ERG: variants seen among roughly 807,000 people sequenced by gnomAD.
ERG encodes transcriptional regulator ERG.
Under a neutral mutation model 55.3 loss-of-function variants are expected in ERG, and 9 were observed. The observed-to-expected ratio is 0.16, with a 90% CI of 0.10 to 0.28. The LOEUF (loss-of-function observed/expected upper bound fraction) is 0.28, where lower values mean the gene tolerates loss of function less well. Among genes scored for constraint, ERG ranks in the 10% least tolerant of loss-of-function variants. ERG has a pLI of 1.00. For missense variants in ERG, 434 were observed against 631.6 expected, an observed-to-expected ratio of 0.69 and a Z score of 3.35; for synonymous variants, 223 against 237.3, an observed-to-expected ratio of 0.94 and a Z score of 0.55.
At chr21:38,625,292 C>T (rs1313922902) in intron 1 of ERG, among the ~76,000 whole-genome samples, 1 of 152,112 alleles carries the variant, frequency 6.6e-6, no homozygotes, top group Non-Finnish European at 1.5e-5. Flanking sequence ...TATAAATTCA[C>T]CTCTTAGAGG....
chr21:38,600,940 C>T (rs561467812), intron 1 of ERG, among the ~76,000 whole-genome samples: 115 of 152,302 alleles, frequency 7.6e-4, no homozygotes, highest in African/African-American at 2.7e-3. Context: ...CTAACCCCCC[C>T]TGGAAATCTC....
intron 2 of ERG, among the ~76,000 whole-genome samples, chr21:38,574,369 AC>A (rs2146862367): frequency 6.6e-6 from 1 of 152,262 alleles, no homozygotes; most frequent in South Asian, 2.1e-4. Context: ...AAAACATCAC[AC>A]AGAAATCAAA....
chr21:38,575,687 A>T (rs1314707709), exon 2 of ERG: 1 of 1,614,074 alleles, frequency 6.2e-7, no homozygotes, highest in Admixed American at 1.7e-5. Context: ...TGGGTCCGGG[A>T]CAGTCTGAAT....
intron 2 of ERG, among the ~76,000 whole-genome samples, chr21:38,515,050 C>G (rs531756607): frequency 6.6e-6 from 1 of 151,920 alleles, no homozygotes; most frequent in Non-Finnish European, 1.5e-5. Context: ...AGAACCTCTA[C>G]ACCAAAAACT....
chr21:38,536,813 T>G (rs915392489), intron 2 of ERG, among the ~76,000 whole-genome samples: 2 of 152,244 alleles, frequency 1.3e-5, no homozygotes, highest in Admixed American at 1.3e-4. Context: ...TTTTTGCAAG[T>G]TAAGTCTTCG....
chr21:38,465,914 C>T (rs1406941643), intron 1 of ERG, among the ~76,000 whole-genome samples: 5 of 152,054 alleles, frequency 3.3e-5, no homozygotes, highest in African/African-American at 1.2e-4. Context: ...CCTCCCTGAC[C>T]GCCTTGTGCC....
At chr21:38,450,912 C>T (rs1413558499) in intron 1 of ERG, 1 of 456,114 alleles carries the variant, frequency 2.2e-6, no homozygotes, top group South Asian at 1.6e-5. Context: ...GATTCTTGCC[C>T]ACCCATCAGA....
intron 2 of ERG, among the ~76,000 whole-genome samples, chr21:38,544,089 T>C (rs190855786): frequency 2.0e-5 from 3 of 152,082 alleles, no homozygotes; most frequent in Admixed American, 1.3e-4. Context: ...ACTGTGAAGG[T>C]GATGAAGACC....
intron 2 of ERG, among the ~76,000 whole-genome samples, chr21:38,432,905 A>G (rs1462539481): frequency 6.6e-6 from 1 of 152,216 alleles, no homozygotes; most frequent in Non-Finnish European, 1.5e-5. Flanking sequence ...GGATCCTCAG[A>G]AAACTTAATT....
intron 2 of ERG, among the ~76,000 whole-genome samples, chr21:38,537,183 C>T (rs1480418582): frequency 1.3e-5 from 2 of 152,048 alleles, no homozygotes; most frequent in Admixed American, 6.6e-5. Context: ...AAAATAAAAG[C>T]TAAAACTCTA....
downstream of ERG, among the ~76,000 whole-genome samples, chr21:38,379,109 G>A (rs1165632196): frequency 6.6e-6 from 1 of 152,216 alleles, no homozygotes; most frequent in African/African-American, 2.4e-5. Context: ...GGGAGGACTG[G>A]ATGGAGGTCC....
intron 1 of ERG, among the ~76,000 whole-genome samples, chr21:38,455,123 T>TTCTTTC (rs775540337): frequency 1.1e-3 from 159 of 144,088 alleles, no homozygotes; most frequent in Admixed American, 4.4e-3. Flanking sequence ...TCTTTCTTTT[T>TTCTTTC]TTTTTTTTTT....
intron 1 of ERG, among the ~76,000 whole-genome samples, chr21:38,473,038 G>C (rs986818801): frequency 6.6e-6 from 1 of 152,066 alleles, no homozygotes; most frequent in Non-Finnish European, 1.5e-5. Context: ...CAGAACTTCC[G>C]GGACCTGCAA....
intron 1 of ERG, among the ~76,000 whole-genome samples, chr21:38,590,788 A>G (rs1008873004): frequency 2.6e-5 from 4 of 152,236 alleles, no homozygotes; most frequent in African/African-American, 9.6e-5. Context: ...GGCTTTGCCA[A>G]TGAGTTCAGA....
At chr21:38,593,192 G>A (rs930635955) in intron 1 of ERG, among the ~76,000 whole-genome samples, 1 of 152,132 alleles carries the variant, frequency 6.6e-6, no homozygotes, top group Non-Finnish European at 1.5e-5. Flanking sequence ...TGGGAACCAG[G>A]GTCTGCCTGG....
intron 2 of ERG, among the ~76,000 whole-genome samples, chr21:38,512,985 G>T (rs1182791532): frequency 6.6e-6 from 1 of 151,980 alleles, no homozygotes; most frequent in Non-Finnish European, 1.5e-5. Context: ...ACAAAAATTA[G>T]CTGGGCATGG....
At chr21:38,448,398 A>C (rs1029348181) in intron 1 of ERG, among the ~76,000 whole-genome samples, 2 of 152,178 alleles carry the variant, frequency 1.3e-5, no homozygotes, top group African/African-American at 4.8e-5. Flanking sequence ...AGAAGGGAAA[A>C]ATTCTGAAAA....
intron 1 of ERG, among the ~76,000 whole-genome samples, chr21:38,639,720 T>TA (rs1482312699): frequency 1.4e-4 from 21 of 152,176 alleles, no homozygotes; most frequent in Non-Finnish European, 2.9e-5. Flanking sequence ...AGCTTCTTGA[T>TA]AACAACAATA....
At chr21:38,540,899 C>T (rs2059747153) in intron 2 of ERG, among the ~76,000 whole-genome samples, 1 of 152,126 alleles carries the variant, frequency 6.6e-6, no homozygotes, top group African/African-American at 2.4e-5. Context: ...AGAGGAGGAC[C>T]AGCACAACCC....
Sources: allele counts gnomAD v4.1 joint callset (sites outside exome capture counted in the v4.1 genomes callset), GRCh38; gene constraint gnomAD v4.1.1; transcripts MANE v1.5; gene names NCBI Gene and HGNC (gene_info 2026-07-23, HGNC 2026-07-21).